CRISP1: variants seen among roughly 807,000 people sequenced by gnomAD.
The protein encoded by CRISP1 is cysteine rich secretory protein 1, also known as cysteine-rich secretory protein 1.
Under a neutral mutation model 33.1 loss-of-function variants are expected in CRISP1, and 44 were observed. The observed-to-expected ratio is 1.33, with a 90% CI of 1.05 to 1.71. CRISP1 has a LOEUF of 1.71. Ranked by LOEUF, CRISP1 falls within the 40% of genes most tolerant of loss-of-function variation. The probability of loss-of-function intolerance (pLI) is 0.00; values close to 1 mark genes in which losing one functional copy is unlikely to be tolerated. For synonymous variants in CRISP1, 103 were observed against 98.7 expected, an observed-to-expected ratio of 1.04 and a Z score of -0.26; for missense variants, 390 against 301.2, an observed-to-expected ratio of 1.29 and a Z score of -2.18.
chr6:49,861,970 G>A (rs1771665563), intron 1 of CRISP1, among the ~76,000 whole-genome samples: 1 of 151,988 alleles, frequency 6.6e-6, no homozygotes, highest in Non-Finnish European at 1.5e-5. Flanking sequence ...AAAGCTGAAT[G>A]TCTTTTCTCT....
intron 4 of CRISP1, among the ~76,000 whole-genome samples, chr6:49,847,561 A>C (rs1299399940): frequency 1.3e-5 from 2 of 152,256 alleles, no homozygotes; most frequent in Non-Finnish European, 2.9e-5. Context: ...CCAAAAGCCA[A>C]GTAGATGTGG....
intron 1 of CRISP1, among the ~76,000 whole-genome samples, chr6:49,859,652 A>T (rs559409351): frequency 6.6e-6 from 1 of 152,172 alleles, no homozygotes; most frequent in African/African-American, 2.4e-5. Flanking sequence ...AAGAGCAAAA[A>T]CTCAAATGTT....
rs77021422 is a variant in CRISP1 at position 49,861,377 on chromosome 6, G to A, written c.-2-3975C>T. Among the ~76,000 whole-genome samples, 660 of 152,126 alleles carry A rather than the reference G, an allele frequency of 4.3e-3. 3 individuals are homozygous for A. Among genetic ancestry groups the A allele is most frequent in the Middle Eastern group, 0.024 (7 of 294 alleles). ...TAACAAACCAAATCCAACAGCACATGTAAGATATAATGCACCATGATCATT... is the reference window on the plus strand; with the variant it reads ...TAACAAACCAAATCCAACAGCACATATAAGATATAATGCACCATGATCATT... On this transcript the variant is annotated intron_variant, in intron 1 of 7. Coordinates refer to ENST00000335847, the MANE Select transcript of CRISP1 (RefSeq NM_001131.3).
At chr6:49,856,595 C>T (rs539104202) in intron 2 of CRISP1, among the ~76,000 whole-genome samples, 2 of 152,138 alleles carry the variant, frequency 1.3e-5, no homozygotes, top group South Asian at 4.1e-4. Flanking sequence ...CACAATAAAA[C>T]TAAGTGCCTT....
At chr6:49,840,388 A>T (rs1218504861) in intron 6 of CRISP1, among the ~76,000 whole-genome samples, 3 of 152,202 alleles carry the variant, frequency 2.0e-5, no homozygotes, top group African/African-American at 7.2e-5. Flanking sequence ...TAAAGAGAAG[A>T]CATGCAACAA....
chr6:49,835,411 C>T lies in CRISP1; in HGVS notation c.655G>A (p.Asp219Asn), dbSNP rs766830688. ...AGATAATGGACTTGTATGTCACAGT[C>T]GAAGTATTCATCATAGTAGATGCAG... ...NPCIYYDEYF[D>N]CDIQVHYLGC... The change falls in exon 8 of 8, where the codon GAC becomes AAC. Residue 219 changes from aspartate to asparagine, a missense_variant. Asp to Asn is a conservative substitution (Grantham distance 23). Coordinates refer to ENST00000335847, the MANE Select transcript of CRISP1 (RefSeq NM_001131.3). The T allele has an allele frequency of 7.4e-6, 12 of 1,613,380 alleles. No homozygotes were observed. The highest frequency in any genetic ancestry group is 6.7e-5 in the Admixed American group (4 of 59,974).
intron 1 of CRISP1, among the ~76,000 whole-genome samples, 194 bp from the exon 2 acceptor site, chr6:49,857,596 G>T (rs183894151): frequency 2.0e-5 from 3 of 152,198 alleles, no homozygotes; most frequent in Admixed American, 2.0e-4. Context: ...AAGAATAGTA[G>T]AATCTCAAAA....
chr6:49,854,917 C>G (rs1416875607), intron 2 of CRISP1, among the ~76,000 whole-genome samples: 2 of 152,116 alleles, frequency 1.3e-5, no homozygotes, highest in African/African-American at 4.8e-5. Context: ...AAATAATTAT[C>G]CCATACAAAA....
chr6:49,846,605 C>T lies in CRISP1; in HGVS notation c.350G>A (p.Gly117Glu). Residue 117 changes from glycine (G) to glutamate (E), a missense_variant, in exon 5 of 8, where the codon GGA becomes GAA. Physicochemically the swap from Gly to Glu is moderately conservative, Grantham distance 98. Coordinates refer to ENST00000335847, the MANE Select transcript of CRISP1 (RefSeq NM_001131.3). ...ACTTGTAGACTCACTGTACCAGACT[C>T]CAATTACACTTGACCATGATACAGG... ...SYPVSWSSVI[G>E]VWYSESTSFK... The T allele has an allele frequency of 1.2e-6, 2 of 1,613,568 alleles. No homozygotes were observed. Among genetic ancestry groups the T allele is most frequent in the African/African-American group, 2.7e-5 (2 of 75,010 alleles).
intron 3 of CRISP1, among the ~76,000 whole-genome samples, chr6:49,849,595 TATATGTGCATATAACAGATTGCCA>T (rs1771287786): frequency 6.6e-6 from 1 of 152,178 alleles, no homozygotes; most frequent in Non-Finnish European, 1.5e-5. Flanking sequence ...AGAATACCCT[TATATGTGCATATAACAGATTGCCA>T]ACAGAAGTCA....
chr6:49,866,462 A>T lies in CRISP1; in HGVS notation c.-36T>A, dbSNP rs1260133234. ...ACACAGCCTTTAAATTTGTGTCCTGATAAGAACCAAGCCTTTCTCTATGTA... is the reference window on the plus strand; with the variant it reads ...ACACAGCCTTTAAATTTGTGTCCTGTTAAGAACCAAGCCTTTCTCTATGTA... On this transcript the variant is annotated 5_prime_UTR_variant, in exon 1 of 8. Transcript: ENST00000335847. The T allele has an allele frequency of 1.3e-5, 2 of 152,132 alleles. No individual in the cohort carries two copies. The highest frequency in any genetic ancestry group is 2.9e-5 in the Non-Finnish European group (2 of 68,034). 9.4% of individuals were successfully genotyped at this position (152,132 alleles called of 1,614,324 possible).
At chr6:49,847,206 T>A (rs1771204936) in intron 4 of CRISP1, among the ~76,000 whole-genome samples, 1 of 152,168 alleles carries the variant, frequency 6.6e-6, no homozygotes, top group South Asian at 2.1e-4. Flanking sequence ...TAAATGTGAA[T>A]CAGCATTTTT....
chr6:49,862,680 A>G (rs1203464203), intron 1 of CRISP1, among the ~76,000 whole-genome samples: 1 of 152,108 alleles, frequency 6.6e-6, no homozygotes, highest in Non-Finnish European at 1.5e-5. Flanking sequence ...CTGGTTGATC[A>G]AAGTTTAGGG....
At chr6:49,854,702 ACCTCCCT>A (rs1344281092) in intron 2 of CRISP1, among the ~76,000 whole-genome samples, 3 of 151,792 alleles carry the variant, frequency 2.0e-5, no homozygotes, top group Non-Finnish European at 2.9e-5. Flanking sequence ...CCTCGCATTT[ACCTCCCT>A]CCATTTTTTT....
chr6:49,839,319 C>T (rs1374066110), intron 6 of CRISP1, among the ~76,000 whole-genome samples: 13 of 143,196 alleles, frequency 9.1e-5, no homozygotes, highest in Admixed American at 7.7e-4. Context: ...GGCCTGGTGG[C>T]GTATGCCTGT....
intron 6 of CRISP1, among the ~76,000 whole-genome samples, chr6:49,839,991 G>A (rs1770931087): frequency 6.6e-6 from 1 of 152,118 alleles, no homozygotes; most frequent in Admixed American, 6.6e-5. Context: ...ATACATGGGA[G>A]GCAGTGGTTA....
chr6:49,873,281 A>G (rs967211548), intron 1 of CRISP1, among the ~76,000 whole-genome samples: 1 of 152,102 alleles, frequency 6.6e-6, no homozygotes. Flanking sequence ...TTTTTCCAAA[A>G]TATGTGTCTG....
chr6:49,847,238 G>T (rs1195918193), intron 4 of CRISP1, among the ~76,000 whole-genome samples: 2 of 152,124 alleles, frequency 1.3e-5, no homozygotes, highest in Non-Finnish European at 2.9e-5. Flanking sequence ...ATTAAAAAAA[G>T]ATTCTCATGT....
rs370459261 is a variant in CRISP1 at position 49,852,173 on chromosome 6, G to T, written c.67-44C>A. ...TAATTAGTGTTACTTCTTTTAAGTGGAATTTGTCACATATATTTTGCAGAC... is the reference window on the plus strand; with the variant it reads ...TAATTAGTGTTACTTCTTTTAAGTGTAATTTGTCACATATATTTTGCAGAC... On this transcript the variant is annotated intron_variant, in intron 2 of 7. Transcript: ENST00000335847. 7 of 1,587,748 alleles carry T rather than the reference G, an allele frequency of 4.4e-6. No individual in the cohort carries two copies. In the Admixed American group the frequency reaches 1.1e-4, roughly 24 times the overall value.
Sources: gnomAD v4.1 joint callset for allele counts (sites outside exome capture counted in the v4.1 genomes callset) on GRCh38, gnomAD v4.1.1 for gene constraint, MANE v1.5 for transcripts, NCBI Gene and HGNC (gene_info 2026-07-23, HGNC 2026-07-21) for gene names.